ASTN2: variants seen among roughly 807,000 people sequenced by gnomAD.
The protein encoded by ASTN2 is astrotactin-2.
In ASTN2, 54 loss-of-function variants were observed where a neutral mutation model predicts 139.8. The ratio of observed to expected loss-of-function variants is 0.39; its 90% CI spans 0.31 to 0.48. The LOEUF (loss-of-function observed/expected upper bound fraction) is 0.48, where lower values mean the gene tolerates loss of function less well. ASTN2 is among the 20% of genes least tolerant of loss of function. The pLI is 0.95. For synonymous variants in ASTN2, 756 were observed against 719.5 expected, an observed-to-expected ratio of 1.05 and a Z score of -0.81; for missense variants, 1,565 against 1,725.1, an observed-to-expected ratio of 0.91 and a Z score of 1.64.
intron 2 of ASTN2, among the ~76,000 whole-genome samples, chr9:117,287,014 A>G (rs969173343): frequency 6.6e-6 from 1 of 152,026 alleles, no homozygotes; most frequent in African/African-American, 2.4e-5. Context: ...AATCCCACTA[A>G]CTCCTAAGCC....
intron 19 of ASTN2, chr9:116,611,837 C>A (rs1196925647): frequency 2.0e-5 from 3 of 152,074 alleles, no homozygotes; most frequent in Non-Finnish European, 4.4e-5. Context: ...GAAAAAAATA[C>A]TATCAATTTT....
At chr9:117,199,729 A>G (rs1831639488) in intron 3 of ASTN2, among the ~76,000 whole-genome samples, 1 of 151,886 alleles carries the variant, frequency 6.6e-6, no homozygotes, top group Admixed American at 6.6e-5. Flanking sequence ...CAGTATGGCC[A>G]TTTTCATGAT....
At chr9:116,886,460 T>C (rs1203292158) in intron 10 of ASTN2, among the ~76,000 whole-genome samples, 1 of 152,140 alleles carries the variant, frequency 6.6e-6, no homozygotes, top group African/African-American at 2.4e-5. Flanking sequence ...AAGGCTCTAT[T>C]TCTTAGTTTC....
At chr9:116,474,103 ACTGT>A (rs1241028021) in intron 20 of ASTN2, among the ~76,000 whole-genome samples, 1 of 152,120 alleles carries the variant, frequency 6.6e-6, no homozygotes, top group East Asian at 1.9e-4. Context: ...ACAGCCAGAA[ACTGT>A]CTGAGATTTG....
At chr9:116,857,349 A>C (rs912082646) in intron 11 of ASTN2, among the ~76,000 whole-genome samples, 1 of 152,126 alleles carries the variant, frequency 6.6e-6, no homozygotes, top group Non-Finnish European at 1.5e-5. Flanking sequence ...CAATATTCAC[A>C]CCAATCCTCT....
At chr9:116,784,869 C>T (rs901574799) in intron 13 of ASTN2, among the ~76,000 whole-genome samples, 1 of 142,172 alleles carries the variant, frequency 7.0e-6, no homozygotes, top group Non-Finnish European at 1.5e-5. Context: ...GTGGAGGTTG[C>T]GGTGAGCTGA....
chr9:116,943,965 C>T (rs1157290273), intron 10 of ASTN2, among the ~76,000 whole-genome samples: 1 of 151,870 alleles, frequency 6.6e-6, no homozygotes, highest in Non-Finnish European at 1.5e-5. Flanking sequence ...CACAGGTGCA[C>T]TTGTTCATTG....
At chr9:116,634,203 GATCT>G (rs1856944670) in intron 17 of ASTN2, among the ~76,000 whole-genome samples, 1 of 152,122 alleles carries the variant, frequency 6.6e-6, no homozygotes, top group African/African-American at 2.4e-5. Flanking sequence ...AATAATGTCA[GATCT>G]ATATAAATAT....
At chr9:116,918,654 CT>C (rs1196937745) in intron 10 of ASTN2, among the ~76,000 whole-genome samples, 25 of 152,076 alleles carry the variant, frequency 1.6e-4, no homozygotes, top group African/African-American at 6.0e-4. Flanking sequence ...CACTGTTTGC[CT>C]TGCTAGTGTC....
intron 5 of ASTN2, among the ~76,000 whole-genome samples, chr9:117,061,249 G>A (rs1839282381): frequency 6.6e-6 from 1 of 151,956 alleles, no homozygotes; most frequent in South Asian, 2.1e-4. Flanking sequence ...ATCTGGGTTT[G>A]TATCCTGTGG....
intron 11 of ASTN2, among the ~76,000 whole-genome samples, chr9:116,821,373 C>T (rs1396843237): frequency 6.6e-6 from 1 of 152,112 alleles, no homozygotes; most frequent in Non-Finnish European, 1.5e-5. Flanking sequence ...GGGTGCATAC[C>T]TTACTTCGGA....
At chr9:117,100,210 T>C (rs1828943043) in intron 4 of ASTN2, among the ~76,000 whole-genome samples, 1 of 152,178 alleles carries the variant, frequency 6.6e-6, no homozygotes, top group Non-Finnish European at 1.5e-5. Flanking sequence ...ACCATAAGGG[T>C]TTCCATAAAG....
chr9:117,397,847 C>T (rs1564184211), intron 1 of ASTN2, among the ~76,000 whole-genome samples: 2 of 152,076 alleles, frequency 1.3e-5, no homozygotes, highest in Admixed American at 6.5e-5. Context: ...AGAAGTTTAA[C>T]GAAGAAGAAG....
chr9:117,114,683 A>G (rs758492894), intron 4 of ASTN2, among the ~76,000 whole-genome samples: 1 of 152,146 alleles, frequency 6.6e-6, no homozygotes, highest in Non-Finnish European at 1.5e-5. Context: ...AGGATCTTCA[A>G]TACTTGAATC....
chr9:116,655,626 G>C, intron 16 of ASTN2, among the ~76,000 whole-genome samples: 1 of 152,050 alleles, frequency 6.6e-6, no homozygotes, highest in South Asian at 2.1e-4. Context: ...CATCCCTCAG[G>C]TCTTAGTTCA....
At chr9:116,931,942 G>A (rs1834909767) in intron 10 of ASTN2, among the ~76,000 whole-genome samples, 2 of 152,272 alleles carry the variant, frequency 1.3e-5, no homozygotes, top group South Asian at 4.2e-4. Context: ...CAATCACAAA[G>A]GGATGGAGAA....
chr9:117,355,013 GT>G (rs747737476), intron 1 of ASTN2, among the ~76,000 whole-genome samples: 5 of 151,680 alleles, frequency 3.3e-5, no homozygotes, highest in African/African-American at 1.2e-4. Context: ...TCCTTGTCCT[GT>G]TTTTTTTAAT....
chr9:116,532,688 T>C (rs996257725), intron 19 of ASTN2, among the ~76,000 whole-genome samples: 1 of 152,230 alleles, frequency 6.6e-6, no homozygotes, highest in African/African-American at 2.4e-5. Flanking sequence ...GTGGTATTAT[T>C]TCTGAGGGCT....
chr9:117,338,158 T>A (rs1383880786), intron 1 of ASTN2, among the ~76,000 whole-genome samples: 1 of 152,228 alleles, frequency 6.6e-6, no homozygotes. Context: ...TGCCATTTTC[T>A]TCCAATGCAT....
Sources: gnomAD v4.1 joint callset for allele counts (sites outside exome capture counted in the v4.1 genomes callset) on GRCh38, gnomAD v4.1.1 for gene constraint, MANE v1.5 for transcripts, NCBI Gene and HGNC (gene_info 2026-07-23, HGNC 2026-07-21) for gene names.